The following USP1 variants were observed in gnomAD, a reference collection of about 807,000 sequenced individuals.
USP1 encodes ubiquitin carboxyl-terminal hydrolase 1.
In USP1, 18 loss-of-function variants were observed where a neutral mutation model predicts 72.2. The ratio of observed to expected loss-of-function variants is 0.25; its 90% CI spans 0.17 to 0.37. The LOEUF (loss-of-function observed/expected upper bound fraction) is 0.37, where lower values mean the gene tolerates loss of function less well. Ranked by LOEUF, USP1 falls within the 10% of genes least tolerant of loss-of-function variation. USP1 has a pLI of 1.00. For synonymous variants in USP1, 354 were observed against 303.7 expected, an observed-to-expected ratio of 1.17 and a Z score of -1.72; for missense variants, 759 against 884.9, an observed-to-expected ratio of 0.86 and a Z score of 1.81.
intron 7 of USP1, 53 bp downstream of exon 7, chr1:62,447,564 T>C: frequency 6.4e-7 from 1 of 1,555,406 alleles, no homozygotes; most frequent in East Asian, 2.3e-5. Context: ...TATAATTCTT[T>C]AACAACACAA....
chr1:62,440,089 G>A, intron 2 of USP1, 52 bp downstream of exon 2: 7 of 1,361,322 alleles, frequency 5.1e-6, no homozygotes, highest in Non-Finnish European at 6.7e-6. Context: ...AAGCAGCAGT[G>A]AACTTGGTTG....
chr1:62,446,089 C>G (rs1645171018), intron 6 of USP1, among the ~76,000 whole-genome samples: 1 of 152,148 alleles, frequency 6.6e-6, no homozygotes, highest in African/African-American at 2.4e-5. Context: ...AAGGACATTG[C>G]ATTTAGTGAA....
rs1449186538 is a variant in USP1 at position 62,450,549 on chromosome 1, A to T, written c.1926A>T (p.Glu642Asp). 6.2e-7 allele frequency: 1 copy of T among 1,613,954 alleles called. No individual in the cohort carries two copies. Among genetic ancestry groups the T allele is most frequent in the Middle Eastern group, 1.7e-4 (1 of 6,060 alleles). ...GTGTGGTTGAGAATTATAATGATGAAGAAGTGTCAATTAGAGTTGGTGGAA... is the reference window on the plus strand; with the variant it reads ...GTGTGGTTGAGAATTATAATGATGATGAAGTGTCAATTAGAGTTGGTGGAA... ...ARGVVENYNDEEVSIRVGGNT... is the reference protein window; with the variant it reads ...ARGVVENYNDDEVSIRVGGNT... Residue 642 changes from glutamate to aspartate, a missense_variant, in exon 9 of 9, where the codon GAA becomes GAT. By Grantham distance (45) the Glu-to-Asp change is conservative. Coordinates refer to ENST00000339950, the MANE Select transcript of USP1 (RefSeq NM_003368.5).
At chr1:62,438,058 G>A (rs1327610108) in intron 1 of USP1, among the ~76,000 whole-genome samples, 1 of 151,984 alleles carries the variant, frequency 6.6e-6, no homozygotes, top group South Asian at 2.1e-4. Flanking sequence ...TACAAGGAAA[G>A]CCAGGAGCAA....
intron 1 of USP1, among the ~76,000 whole-genome samples, chr1:62,438,779 C>CT (rs1645110681): frequency 1.3e-5 from 2 of 152,104 alleles, no homozygotes; most frequent in African/African-American, 2.4e-5. Flanking sequence ...ACCAAATCAT[C>CT]TTTTTTTCCT....
Position 62,439,980 on chromosome 1 carries a change from A to G in USP1, c.113A>G (p.Asp38Gly), listed in dbSNP as rs760961338. The change falls in exon 2 of 9, where the codon GAT (aspartate) becomes GGT (glycine). Residue 38 changes from aspartate to glycine, a missense_variant. By Grantham distance (94) the Asp-to-Gly change is moderately conservative. Around this residue, in one of 9 missense-constraint regions of USP1, gnomAD observed 86 missense variants for 82.0 expected, o/e 1.05. Transcript: ENST00000339950. ...AAAAAGGAAACTAAGAGAGCTTTGG[A>G]TTTCACAGATTCTCAAGAAAATGAA... Reference protein sequence around the residue: ...FQKKETKRALDFTDSQENEEK... With the variant: ...FQKKETKRALGFTDSQENEEK... 5 of 1,556,762 alleles carry G rather than the reference A, an allele frequency of 3.2e-6. No individual in the cohort carries two copies. The South Asian group carries it at 5.0e-5, about 15-fold the overall frequency.
At chr1:62,449,798 A>G (rs1180282972) in intron 8 of USP1, among the ~76,000 whole-genome samples, 1 of 151,854 alleles carries the variant, frequency 6.6e-6, no homozygotes, top group Non-Finnish European at 1.5e-5. Flanking sequence ...TGTGGTCCCA[A>G]CTACTCAGGA....
chr1:62,443,107 G>A, intron 4 of USP1, 52 bp from the exon 5 acceptor site: 1 of 1,557,504 alleles, frequency 6.4e-7, no homozygotes, highest in Non-Finnish European at 8.7e-7. Context: ...AAAGGGGGAA[G>A]GTACTTAATT....
chr1:62,451,015 ACACC>A lies in USP1; in HGVS notation c.*37_*40del, dbSNP rs536354984. On this transcript the variant is annotated 3_prime_UTR_variant, in exon 9 of 9. Coordinates refer to ENST00000339950, the MANE Select transcript of USP1 (RefSeq NM_003368.5). ...TATTTTCCTTGTGTATATATTAAAC[ACACC>A]CATACAAACATTGGTAAAGTTGATT... 282 of 1,513,394 alleles carry A rather than the reference ACACC, an allele frequency of 1.9e-4. No homozygotes were observed. The African/African-American group carries it at 3.6e-3, about 19-fold the overall frequency. The allele number at this position is 1,513,394 out of a possible 1,614,324, so 93.7% of individuals were successfully genotyped here. A position where few individuals can be genotyped will look rare whatever the true frequency, so the allele number is the denominator to read the frequency against.
At chr1:62,444,668 A>C in intron 5 of USP1, 70 bp from the exon 6 acceptor site, 1 of 1,174,652 alleles carries the variant, frequency 8.5e-7, no homozygotes, top group South Asian at 2.7e-5. Flanking sequence ...ACATGAATTA[A>C]TTTCTATATA....
At chr1:62,448,108 A>C (rs577384004) in intron 7 of USP1, among the ~76,000 whole-genome samples, 2 of 152,182 alleles carry the variant, frequency 1.3e-5, no homozygotes, top group Non-Finnish European at 2.9e-5. Context: ...TTTTAACACA[A>C]TAATTGAGCC....
chr1:62,443,984 G>A (rs1335851491), intron 5 of USP1, among the ~76,000 whole-genome samples: 4 of 151,966 alleles, frequency 2.6e-5, no homozygotes, highest in Non-Finnish European at 5.9e-5. Flanking sequence ...ATTGTAGGCC[G>A]GTCACAGCTC....
At chr1:62,449,893 C>CA (rs922214176) in intron 8 of USP1, among the ~76,000 whole-genome samples, 35 of 150,822 alleles carry the variant, frequency 2.3e-4, no homozygotes, top group African/African-American at 7.8e-4. Flanking sequence ...GCCTGGGTGA[C>CA]AGACCCTGCC....
chr1:62,442,484 A>G (rs1211475352), intron 4 of USP1, among the ~76,000 whole-genome samples, 185 bp downstream of exon 4: 4 of 152,040 alleles, frequency 2.6e-5, no homozygotes, highest in Non-Finnish European at 4.4e-5. Context: ...CCCTTTTACA[A>G]TGTTTGCTCC....
intron 6 of USP1, 70 bp downstream of exon 6, chr1:62,445,499 A>G: frequency 7.5e-7 from 1 of 1,339,320 alleles, no homozygotes; most frequent in Non-Finnish European, 1.0e-6. Context: ...TTCTCTTCCT[A>G]GATACATGTA....
rs1645214477 is a variant in USP1, at chr1:62,451,193, C to T, written c.*212C>T. 2.3e-6 allele frequency: 1 copy of T among 426,700 alleles called. No individual in the cohort carries two copies. Among genetic ancestry groups the T allele is most frequent in the South Asian group, 7.8e-5 (1 of 12,890 alleles). 26.4% of individuals were successfully genotyped at this position (426,700 alleles called of 1,614,324 possible). The stretch of plus-strand genomic sequence containing the variant: ...TCAGTAGAGACTAGTGATGCATTAG[C>T]TTCTGGGAACAAACTTGTATCGGTT... On this transcript the variant is annotated 3_prime_UTR_variant, in exon 9 of 9. Coordinates refer to ENST00000339950, the MANE Select transcript of USP1 (RefSeq NM_003368.5).
chr1:62,440,154 G>A, intron 2 of USP1, 117 bp downstream of exon 2: 1 of 875,880 alleles, frequency 1.1e-6, no homozygotes, highest in Non-Finnish European at 1.6e-6. Context: ...ACGCTTCAGT[G>A]TACTTCTTAG....
rs1571126051 is a variant in USP1, at chr1:62,437,088, G to A, written c.-382G>A. The A allele has an allele frequency of 1.3e-5, 5 of 398,918 alleles. No individual in the cohort carries two copies. In the East Asian group the frequency reaches 1.8e-4, roughly 14 times the overall value. 24.7% of individuals were successfully genotyped at this position (398,918 alleles called of 1,614,324 possible). A position where few individuals can be genotyped will look rare whatever the true frequency, so the allele number is the denominator to read the frequency against. On this transcript the variant is annotated 5_prime_UTR_variant, in exon 1 of 9. Transcript: ENST00000339950. ...TTCCCCTCGGTGGCGGAGTGCTAAA[G>A]ACCCTAGCGGTTCAGGCGTTCGGCG...
intron 1 of USP1, among the ~76,000 whole-genome samples, chr1:62,437,648 G>A (rs1645100082): frequency 6.6e-6 from 1 of 152,198 alleles, no homozygotes; most frequent in Non-Finnish European, 1.5e-5. Context: ...GGGGGTGTGG[G>A]CCGAGGACGC....
Sources: gnomAD v4.1 joint callset for allele counts (sites outside exome capture counted in the v4.1 genomes callset) on GRCh38, gnomAD v4.1.1 for gene constraint, gnomAD v4.1.1 regional missense constraint, MANE v1.5 for transcripts, NCBI Gene and HGNC (gene_info 2026-07-23, HGNC 2026-07-21) for gene names.